Variants in MPP7 observed in about 807,000 individuals in gnomAD.
MPP7 encodes MAGUK p55 subfamily member 7.
Under a neutral mutation model 76.5 loss-of-function variants are expected in MPP7, and 60 were observed. The ratio of observed to expected loss-of-function variants is 0.78; its 90% CI spans 0.64 to 0.97. MPP7 has a LOEUF of 0.97. MPP7 is among the 50% of genes least tolerant of loss of function. The probability of loss-of-function intolerance (pLI) is 0.00; values close to 1 mark genes in which losing one functional copy is unlikely to be tolerated. For synonymous variants in MPP7, 237 were observed against 244.5 expected, an observed-to-expected ratio of 0.97 and a Z score of 0.29; for missense variants, 641 against 694.0, an observed-to-expected ratio of 0.92 and a Z score of 0.86.
At chr10:28,229,741 T>C (rs1212165099) in intron 2 of MPP7, among the ~76,000 whole-genome samples, 1 of 151,844 alleles carries the variant, frequency 6.6e-6, no homozygotes, top group Admixed American at 6.6e-5. Flanking sequence ...TACAAAAAAT[T>C]AGCCAGGCGT....
intron 2 of MPP7, among the ~76,000 whole-genome samples, chr10:28,211,684 C>T (rs7916791): frequency 0.47 from 71,147 of 151,734 alleles, 18,280 homozygotes; most frequent in East Asian, 0.99. Flanking sequence ...GTCATCATTT[C>T]GAATTAATAA....
intron 11 of MPP7, among the ~76,000 whole-genome samples, chr10:28,102,293 C>G (rs1049727013): frequency 6.6e-6 from 1 of 152,128 alleles, no homozygotes; most frequent in Non-Finnish European, 1.5e-5. Context: ...CAGGTGTGCA[C>G]CACTGCGCTT....
At chr10:28,220,389 A>G (rs760242584) in intron 2 of MPP7, among the ~76,000 whole-genome samples, 12 of 152,038 alleles carry the variant, frequency 7.9e-5, no homozygotes, top group East Asian at 1.9e-4. Flanking sequence ...AAAATCGATT[A>G]CATTTACGTT....
chr10:28,116,992 C>T (rs1834681653), intron 11 of MPP7, among the ~76,000 whole-genome samples: 1 of 151,934 alleles, frequency 6.6e-6, no homozygotes, highest in East Asian at 1.9e-4. Flanking sequence ...AATATAAGTG[C>T]AAAAATGCAA....
intron 3 of MPP7, among the ~76,000 whole-genome samples, chr10:28,173,420 G>A (rs1164394245): frequency 6.6e-6 from 1 of 152,082 alleles, no homozygotes; most frequent in Non-Finnish European, 1.5e-5. Flanking sequence ...AAATAAAATT[G>A]GCATTATTAA....
chr10:28,112,146 T>C (rs1291674649), intron 11 of MPP7, among the ~76,000 whole-genome samples: 4 of 152,194 alleles, frequency 2.6e-5, no homozygotes, highest in African/African-American at 9.7e-5. Context: ...GCACATGTCT[T>C]AGTAACTCTG....
chr10:28,122,881 T>A (rs923629906), intron 8 of MPP7, among the ~76,000 whole-genome samples: 1 of 152,178 alleles, frequency 6.6e-6, no homozygotes, highest in South Asian at 2.1e-4. Flanking sequence ...GTTATTTTTC[T>A]ATTTGACTTT....
chr10:28,109,869 A>AAAAAAAAAAAAT (rs1834448261), intron 11 of MPP7, among the ~76,000 whole-genome samples: 2 of 149,510 alleles, frequency 1.3e-5, no homozygotes, highest in Admixed American at 6.7e-5. Flanking sequence ...AAAAAAAAAA[A>AAAAAAAAAAAAT]AAAACACTTA....
At chr10:28,231,961 A>C (rs1374482790) in intron 2 of MPP7, among the ~76,000 whole-genome samples, 2 of 152,218 alleles carry the variant, frequency 1.3e-5, no homozygotes, top group Admixed American at 6.5e-5. Context: ...TCAAAATTCT[A>C]AACAAAATAC....
At chr10:28,088,779 G>A (rs960593412) in intron 12 of MPP7, among the ~76,000 whole-genome samples, 2 of 152,174 alleles carry the variant, frequency 1.3e-5, no homozygotes, top group Admixed American at 6.5e-5. Flanking sequence ...TGGAGCTTGT[G>A]GCTACTCACA....
At chr10:28,093,856 T>C (rs1199206881) in intron 11 of MPP7, among the ~76,000 whole-genome samples, 1 of 152,234 alleles carries the variant, frequency 6.6e-6, no homozygotes, top group Non-Finnish European at 1.5e-5. Context: ...CCATGTTGCA[T>C]AGATAGTTGG....
At chr10:28,134,938 A>T (rs537190433) in intron 5 of MPP7, among the ~76,000 whole-genome samples, 42 of 152,312 alleles carry the variant, frequency 2.8e-4, no homozygotes, top group African/African-American at 8.9e-4. Context: ...CAGCAAAAGT[A>T]TCTTTCAAGA....
intron 12 of MPP7, among the ~76,000 whole-genome samples, chr10:28,070,630 C>G (rs939983231): frequency 6.6e-6 from 1 of 152,188 alleles, no homozygotes; most frequent in Non-Finnish European, 1.5e-5. Context: ...GAGACCTTTT[C>G]CTGTACTATA....
upstream of MPP7, among the ~76,000 whole-genome samples, chr10:28,306,876 C>G (rs146270833): frequency 1.5e-3 from 234 of 152,240 alleles, no homozygotes; most frequent in African/African-American, 5.5e-3. Flanking sequence ...TTTTCCATAG[C>G]AGGTGCTCTC....
chr10:28,180,851 G>A (rs1430434281), intron 3 of MPP7, among the ~76,000 whole-genome samples: 1 of 152,150 alleles, frequency 6.6e-6, no homozygotes, highest in Non-Finnish European at 1.5e-5. Context: ...CTTCTGCCCA[G>A]CGGTGACACA....
chr10:28,298,654 CA>C (rs1377104966), intron 1 of MPP7, among the ~76,000 whole-genome samples: 1 of 152,222 alleles, frequency 6.6e-6, no homozygotes, highest in Non-Finnish European at 1.5e-5. Flanking sequence ...GCACTAGCTC[CA>C]AACAAAAGAG....
At chr10:28,287,997 C>T (rs1487318814) in intron 1 of MPP7, among the ~76,000 whole-genome samples, 4 of 152,150 alleles carry the variant, frequency 2.6e-5, no homozygotes, top group African/African-American at 9.7e-5. Flanking sequence ...TAAAACACGC[C>T]TCCATTTCCA....
chr10:28,229,792 G>A (rs945311338), intron 2 of MPP7, among the ~76,000 whole-genome samples: 1 of 152,072 alleles, frequency 6.6e-6, no homozygotes, highest in East Asian at 1.9e-4. Flanking sequence ...AGGAGGCTGA[G>A]GCAGGAGAAT....
chr10:28,262,277 A>ATTTTTTT lies in MPP7; in HGVS notation c.-131-23549_-131-23543dup, dbSNP rs1195166638. Among the ~76,000 whole-genome samples the ATTTTTTT allele has an allele frequency of 1.9e-3, 101 of 54,326 alleles. 7 individuals carry two copies. The highest frequency in any genetic ancestry group is 7.8e-3 in the African/African-American group (94 of 12,038). 35.6% of individuals were successfully genotyped at this position (54,326 alleles called of 152,430 possible). A position where few individuals can be genotyped will look rare whatever the true frequency, so the allele number is the denominator to read the frequency against. ...TATATATGTATATATATATATATATATTTTTTTTTTTTTCTTCACCATGTT... is the reference window on the plus strand; with the variant it reads ...TATATATGTATATATATATATATATATTTTTTTTTTTTTTTTTTTTCTTCACCATGTT... On this transcript the variant is annotated intron_variant, in intron 1 of 16. Coordinates refer to ENST00000683449, the MANE Select transcript of MPP7 (RefSeq NM_001318170.2).
Sources: allele counts gnomAD v4.1 joint callset (sites outside exome capture counted in the v4.1 genomes callset), GRCh38; gene constraint gnomAD v4.1.1; transcripts MANE v1.5; gene names NCBI Gene and HGNC (gene_info 2026-07-23, HGNC 2026-07-21).